Variants in TTC7B observed in about 807,000 individuals in gnomAD.
TTC7B encodes tetratricopeptide repeat domain 7B.
Under a neutral mutation model 106.8 loss-of-function variants are expected in TTC7B, and 28 were observed. That is an observed-to-expected ratio of 0.26 (90% CI 0.19 to 0.36). The LOEUF is 0.36. Among genes scored for constraint, TTC7B ranks in the 10% least tolerant of loss-of-function variants. TTC7B has a pLI of 1.00. For missense variants in TTC7B, 862 were observed against 1,076.4 expected (o/e 0.80, Z 2.79); for synonymous variants, 405 against 430.6 (o/e 0.94, Z 0.74).
intron 15 of TTC7B, among the ~76,000 whole-genome samples, chr14:90,628,670 G>A (rs1050224306): frequency 1.2e-4 from 18 of 152,220 alleles, no homozygotes; most frequent in African/African-American, 4.3e-4. Context: ...AAGCTCAAGC[G>A]GCTCTCCAGG....
At chr14:90,583,423 G>A (rs1891584332) in intron 18 of TTC7B, among the ~76,000 whole-genome samples, 1 of 152,130 alleles carries the variant, frequency 6.6e-6, no homozygotes, top group African/African-American at 2.4e-5. Flanking sequence ...TGAAGGCCAG[G>A]GAAGCAACAG....
At position 90,595,645 on chromosome 14, in the gene TTC7B, G is replaced by A. The variant is rs889106302; in HGVS notation, c.1967-2019C>T. Among the ~76,000 whole-genome samples, 10 of 152,168 alleles carry A rather than the reference G, an allele frequency of 6.6e-5. No homozygotes were observed. In the South Asian group the frequency reaches 8.3e-4, roughly 13 times the overall value. On this transcript the variant is annotated intron_variant, in intron 17 of 19. Transcript: ENST00000328459. The stretch of plus-strand genomic sequence containing the variant: ...CTAGAGGCTGTTGTTGCCCTATTCC[G>A]CCATTACCAAGTTGGCTACCTTCTC...
intron 9 of TTC7B, among the ~76,000 whole-genome samples, chr14:90,661,252 C>G (rs1886192991): frequency 6.6e-6 from 1 of 152,224 alleles, no homozygotes; most frequent in African/African-American, 2.4e-5. Context: ...GAATATACTC[C>G]TCACTAGTGC....
intron 18 of TTC7B, among the ~76,000 whole-genome samples, chr14:90,593,237 C>T (rs1669185153): frequency 6.6e-6 from 1 of 152,252 alleles, no homozygotes; most frequent in Non-Finnish European, 1.5e-5. Context: ...ATCCAGAAAA[C>T]TTTCCTAGAT....
At chr14:90,812,107 T>A (rs2030928336) in intron 1 of TTC7B, among the ~76,000 whole-genome samples, 1 of 152,052 alleles carries the variant, frequency 6.6e-6, no homozygotes, top group African/African-American at 2.4e-5. Context: ...ACAGGTACCA[T>A]CCCACTGAAT....
At chr14:90,658,927 T>C (rs183427513) in intron 9 of TTC7B, among the ~76,000 whole-genome samples, 2 of 152,340 alleles carry the variant, frequency 1.3e-5, no homozygotes, top group Non-Finnish European at 2.9e-5. Flanking sequence ...CTCTGGTCCC[T>C]GCACAGAGTG....
chr14:90,695,259 A>C (rs1288209735), intron 6 of TTC7B, among the ~76,000 whole-genome samples: 1 of 134,626 alleles, frequency 7.4e-6, no homozygotes, highest in Non-Finnish European at 1.6e-5. Flanking sequence ...ATATACATAT[A>C]TATGTCACAC....
intron 19 of TTC7B, chr14:90,569,941 A>G (rs1434324058): frequency 6.6e-6 from 1 of 152,268 alleles, no homozygotes; most frequent in South Asian, 2.1e-4. Context: ...AGTGACGCCC[A>G]TGCCTTCCAA....
chr14:90,602,112 C>A (rs776165856), intron 17 of TTC7B: 4 of 455,900 alleles, frequency 8.8e-6, no homozygotes, highest in Non-Finnish European at 1.8e-5. Context: ...GCAGTATTTG[C>A]CATAAGCTAA....
At chr14:90,683,714 T>C (rs1380643491) in intron 7 of TTC7B, among the ~76,000 whole-genome samples, 3 of 152,002 alleles carry the variant, frequency 2.0e-5, no homozygotes, top group Non-Finnish European at 4.4e-5. Context: ...GTCAGGTGAA[T>C]CCCACATAGA....
intron 5 of TTC7B, among the ~76,000 whole-genome samples, chr14:90,707,176 C>T (rs1340603158): frequency 6.6e-6 from 1 of 152,168 alleles, no homozygotes; most frequent in Non-Finnish European, 1.5e-5. Flanking sequence ...AATAATACCA[C>T]CATCAATTAT....
At chr14:90,595,475 A>G (rs1202428111) in intron 17 of TTC7B, among the ~76,000 whole-genome samples, 3 of 152,258 alleles carry the variant, frequency 2.0e-5, no homozygotes, top group Admixed American at 6.5e-5. Flanking sequence ...TTAAAAATCT[A>G]CATAGCAAAA....
intron 1 of TTC7B, among the ~76,000 whole-genome samples, chr14:90,794,700 C>G (rs1372751834): frequency 6.6e-6 from 1 of 152,110 alleles, no homozygotes; most frequent in Non-Finnish European, 1.5e-5. Flanking sequence ...ATGGTGGCTG[C>G]AAAACAATTT....
chr14:90,708,156 A>AT (rs1322082219), intron 5 of TTC7B, among the ~76,000 whole-genome samples: 4 of 151,526 alleles, frequency 2.6e-5, no homozygotes, highest in African/African-American at 9.7e-5. Context: ...AAAAAAAAAA[A>AT]AAAAAAAAAA....
chr14:90,690,177 G>A (rs1191739958), intron 6 of TTC7B, among the ~76,000 whole-genome samples: 1 of 152,128 alleles, frequency 6.6e-6, no homozygotes, highest in African/African-American at 2.4e-5. Flanking sequence ...CACTGTAGAC[G>A]TCTTCTTTCT....
intron 5 of TTC7B, among the ~76,000 whole-genome samples, chr14:90,712,380 T>C (rs946059462): frequency 6.6e-6 from 1 of 152,188 alleles, no homozygotes; most frequent in Non-Finnish European, 1.5e-5. Context: ...CATGATCCTA[T>C]ATGTAAAAAT....
Position 90,533,908 on chromosome 14 carries a change from C to G in TTC7B, c.*7460G>C, listed in dbSNP as rs1288444394. 3.3e-5 allele frequency: 5 copies of G among 152,158 alleles called. No homozygotes were observed. Among genetic ancestry groups the G allele is most frequent in the African/African-American group, 1.2e-4 (5 of 41,244 alleles). 9.4% of individuals were successfully genotyped at this position (152,158 alleles called of 1,614,324 possible). On this transcript the variant is annotated 3_prime_UTR_variant, in exon 20 of 20. Transcript: ENST00000328459. ...GAGGAGTCCTGCCTGCTGGCCTGGC[C>G]CTGAGGCCCTGTGTGGTGGTCCTGA... is the stretch of plus-strand genomic sequence containing the variant.
intron 4 of TTC7B, among the ~76,000 whole-genome samples, chr14:90,730,972 G>C (rs906547127): frequency 6.6e-6 from 1 of 152,174 alleles, no homozygotes; most frequent in Non-Finnish European, 1.5e-5. Flanking sequence ...CTGAGACAGA[G>C]TCTCGCTCTG....
chr14:90,622,797 G>A (rs1884266091), intron 15 of TTC7B, among the ~76,000 whole-genome samples: 1 of 152,012 alleles, frequency 6.6e-6, no homozygotes, highest in Admixed American at 6.6e-5. Context: ...AATTAATGAA[G>A]AAAAGAAGAA....
Sources: gnomAD v4.1 joint callset for allele counts (sites outside exome capture counted in the v4.1 genomes callset) on GRCh38, gnomAD v4.1.1 for gene constraint, MANE v1.5 for transcripts, NCBI Gene and HGNC (gene_info 2026-07-23, HGNC 2026-07-21) for gene names.